The following ZNF337 variants were observed in gnomAD, a reference collection of about 807,000 sequenced individuals.
ZNF337 encodes the protein zinc finger protein 337.
Under a neutral mutation model 12.1 loss-of-function variants are expected in ZNF337, and 8 were observed. The observed-to-expected ratio is 0.66, with a 90% CI of 0.39 to 1.19. ZNF337 has a LOEUF of 1.19. ZNF337 is among the 50% of genes most tolerant of loss of function. The probability of loss-of-function intolerance (pLI) is 0.01; values close to 1 mark genes in which losing one functional copy is unlikely to be tolerated. For synonymous variants in ZNF337, 336 were observed against 320.0 expected (o/e 1.05, Z -0.53); for missense variants, 882 against 896.6 (o/e 0.98, Z 0.21).
At chr20:25,686,854 C>T (rs1487037344) in intron 1 of ZNF337, 1 of 197,846 alleles carries the variant, frequency 5.1e-6, no homozygotes, top group Non-Finnish European at 1.0e-5. Flanking sequence ...AGGATAACCA[C>T]AGGTGCAGAC....
chr20:25,693,560 C>G (rs746902686), intron 1 of ZNF337, among the ~76,000 whole-genome samples: 3 of 152,120 alleles, frequency 2.0e-5, no homozygotes, highest in Non-Finnish European at 2.9e-5. Flanking sequence ...TGGTCTGCAC[C>G]ACGAATGCAG....
chr20:25,680,464 T>C (rs1215598222), intron 4 of ZNF337, among the ~76,000 whole-genome samples: 1 of 152,002 alleles, frequency 6.6e-6, no homozygotes, highest in African/African-American at 2.4e-5. Context: ...TATTTATATA[T>C]AAATGGAGAA....
chr20:25,688,835 GGT>G (rs2065857107), intron 1 of ZNF337, among the ~76,000 whole-genome samples: 1 of 152,056 alleles, frequency 6.6e-6, no homozygotes, highest in East Asian at 1.9e-4. Context: ...GTTAAGTAAG[GGT>G]AAGTATCTCT....
At chr20:25,684,676 G>GT (rs750097331) in intron 4 of ZNF337, among the ~76,000 whole-genome samples, 3 of 152,178 alleles carry the variant, frequency 2.0e-5, no homozygotes, top group Non-Finnish European at 4.4e-5. Flanking sequence ...ACATGCAGAG[G>GT]TATGTTTACT....
chr20:25,675,512 C>T lies in ZNF337; in HGVS notation c.1776G>A (p.Lys592=), dbSNP rs144868598. ...TGAAAGGCTTCTCCCCTGAGTGTGT[C>T]TTCTGGTGGAAGAGGAGAGTTGATT... ...ILKSTLLFHQ[K]THSGEKPFIC... The change falls in exon 5 of 5, where the codon AAG becomes AAA. Residue 592 remains lysine (K), a synonymous_variant. Coordinates refer to ENST00000252979, the MANE Select transcript of ZNF337 (RefSeq NM_015655.4). 1.2e-5 allele frequency: 20 copies of T among 1,611,126 alleles called. No individual in the cohort carries two copies. In the African/African-American group the frequency reaches 2.3e-4, roughly 18 times the overall value.
Position 25,675,021 on chromosome 20 carries a change from G to A in ZNF337, c.*11C>T. 1 of 1,606,956 alleles carries A rather than the reference G, an allele frequency of 6.2e-7. No homozygotes were observed. The highest frequency in any genetic ancestry group is 8.5e-7 in the Non-Finnish European group (1 of 1,175,942). On this transcript the variant is annotated 3_prime_UTR_variant, in exon 5 of 5. Coordinates refer to ENST00000252979, the MANE Select transcript of ZNF337 (RefSeq NM_015655.4). Reference sequence around the variant, plus strand: ...CTGAGTGTGTCCTCTGATGGATGGTGAGATATAACTTCAAGATGAAGCCTC... The same window carrying A: ...CTGAGTGTGTCCTCTGATGGATGGTAAGATATAACTTCAAGATGAAGCCTC...
chr20:25,682,610 A>G (rs1169555581), intron 4 of ZNF337, among the ~76,000 whole-genome samples: 2 of 152,134 alleles, frequency 1.3e-5, no homozygotes, highest in Non-Finnish European at 2.9e-5. Context: ...AGGCAGGAGG[A>G]TCACCTGAGG....
rs749861679 is a variant in ZNF337 at position 25,686,419 on chromosome 20, A to T, written c.-2T>A. The stretch of plus-strand genomic sequence containing the variant: ...TCTCCTGGCTCCCTGAGGTCCCATG[A>T]CTGTCTTCCTGCTCTCCACGGAGAA... On this transcript the variant is annotated 5_prime_UTR_variant, in exon 2 of 5. Coordinates refer to ENST00000252979, the MANE Select transcript of ZNF337 (RefSeq NM_015655.4). 6.2e-7 allele frequency: 1 copy of T among 1,614,030 alleles called. No homozygotes were observed. The highest frequency in any genetic ancestry group is 8.5e-7 in the Non-Finnish European group (1 of 1,179,954).
intron 1 of ZNF337, among the ~76,000 whole-genome samples, chr20:25,692,005 C>T (rs2065885611): frequency 6.6e-6 from 1 of 151,948 alleles, no homozygotes; most frequent in Non-Finnish European, 1.5e-5. Flanking sequence ...ATGAGCCTGG[C>T]AGGCAGAAGG....
Position 25,676,955 on chromosome 20 carries a change from T to C in ZNF337, c.333A>G (p.Gln111=), listed in dbSNP as rs143943510. ...QRQQQLQFSD[Q]SFQSDTAEGQ... ...CTTCAGCTGTGTCACTCTGGAAGCTTTGATCAGAAAATTGTAGTTGCTGTT... is the reference window on the plus strand; with the variant it reads ...CTTCAGCTGTGTCACTCTGGAAGCTCTGATCAGAAAATTGTAGTTGCTGTT... Residue 111 remains glutamine, a synonymous_variant, in exon 5 of 5, where the codon CAA becomes CAG. Coordinates refer to ENST00000252979, the MANE Select transcript of ZNF337 (RefSeq NM_015655.4). 1.1e-4 allele frequency: 180 copies of C among 1,614,114 alleles called. No homozygotes were observed. The African/African-American group carries it at 2.0e-3, about 18-fold the overall frequency.
chr20:25,685,032 G>C (rs941545213), intron 4 of ZNF337, among the ~76,000 whole-genome samples: 1 of 151,648 alleles, frequency 6.6e-6, no homozygotes, highest in African/African-American at 2.4e-5. Context: ...TGTAAATGAC[G>C]AGTTGATGGA....
In ZNF337 at chr20:25,684,563, G is replaced by A. The variant is rs576864672; in HGVS notation, c.250+1004C>T. ...TAGTTCAACCATTGTGGAAGACAGT[G>A]TGGCGATTCCTCAAGGATCTAGAAC... On this transcript the variant is annotated intron_variant, in intron 4 of 4. Transcript: ENST00000252979. 5.3e-5 allele frequency among the ~76,000 whole-genome samples: 8 copies of A among 152,228 alleles called. No individual in the cohort carries two copies. In the East Asian group the frequency reaches 1.5e-3, roughly 29 times the overall value.
At position 25,674,148 on chromosome 20, in the gene ZNF337, G is replaced by A. The variant is rs1165029700; in HGVS notation, c.*884C>T. Reference sequence around the variant, plus strand: ...TTTATTTCCAGATATGACTGTGAGAGAATGATGAGGGGAGCAGTTACTTAG... The same window carrying A: ...TTTATTTCCAGATATGACTGTGAGAAAATGATGAGGGGAGCAGTTACTTAG... On this transcript the variant is annotated 3_prime_UTR_variant, in exon 5 of 5. Coordinates refer to ENST00000252979, the MANE Select transcript of ZNF337 (RefSeq NM_015655.4). 2 of 152,224 alleles carry A rather than the reference G, an allele frequency of 1.3e-5. No homozygotes were observed. The highest frequency in any genetic ancestry group is 4.8e-5 in the African/African-American group (2 of 41,438). 9.4% of individuals were successfully genotyped at this position (152,224 alleles called of 1,614,324 possible). A position where few individuals can be genotyped will look rare whatever the true frequency, so the allele number is the denominator to read the frequency against.
chr20:25,685,893 C>G (rs2065826698), intron 3 of ZNF337, 103 bp downstream of exon 3: 1 of 1,503,462 alleles, frequency 6.7e-7, no homozygotes. Flanking sequence ...AGACCTTCCT[C>G]AGGGGAATAG....
chr20:25,694,911 C>T (rs2065907922), intron 1 of ZNF337, among the ~76,000 whole-genome samples: 2 of 152,188 alleles, frequency 1.3e-5, no homozygotes, highest in Non-Finnish European at 2.9e-5. Flanking sequence ...GGAAAATTTG[C>T]ATCTGCAGCG....
At chr20:25,683,229 A>AATC (rs3063022) in intron 4 of ZNF337, among the ~76,000 whole-genome samples, 6,526 of 148,452 alleles carry the variant, frequency 0.044, 290 homozygotes, top group African/African-American at 0.12. Flanking sequence ...TAGAGGTAAG[A>AATC]ATCATCATCA....
chr20:25,681,689 G>A (rs976730452), intron 4 of ZNF337, among the ~76,000 whole-genome samples: 9 of 152,146 alleles, frequency 5.9e-5, no homozygotes, highest in African/African-American at 2.2e-4. Flanking sequence ...TCTGGGGTGA[G>A]AGTAATTCTT....
chr20:25,696,667 C>T, intron 1 of ZNF337, 92 bp downstream of exon 1: 8 of 881,102 alleles, frequency 9.1e-6, no homozygotes, highest in Non-Finnish European at 1.1e-5. Context: ...GCTACGGCCC[C>T]AGCAGCGCCC....
rs746842710 is a variant in ZNF337, at chr20:25,675,495, T to TTCTCCCCTGAGTGTG, written c.1778_1792dup (p.Thr593_Glu597dup). ...CCCACATTCACTACAGATGAAAGGC[T>TTCTCCCCTGAGTGTG]TCTCCCCTGAGTGTGTCTTCTGGTG... On this transcript the variant is annotated inframe_insertion, in exon 5 of 5. Transcript: ENST00000252979. 3.1e-6 allele frequency: 5 copies of TTCTCCCCTGAGTGTG among 1,614,242 alleles called. No individual in the cohort carries two copies. Among genetic ancestry groups the TTCTCCCCTGAGTGTG allele is most frequent in the Admixed American group, 1.7e-5 (1 of 60,024 alleles).
Sources: gnomAD v4.1 joint callset for allele counts (sites outside exome capture counted in the v4.1 genomes callset) on GRCh38, gnomAD v4.1.1 for gene constraint, MANE v1.5 for transcripts, NCBI Gene and HGNC (gene_info 2026-07-23, HGNC 2026-07-21) for gene names.